The following CAST variants were observed in gnomAD, a reference collection of about 807,000 sequenced individuals.
CAST encodes calpastatin, also known as MIR583 host.
In CAST, 76 loss-of-function variants were observed where a neutral mutation model predicts 119.6. The observed-to-expected ratio is 0.64, with a 90% CI of 0.53 to 0.77. The LOEUF (loss-of-function observed/expected upper bound fraction) is 0.77. Ranked by LOEUF, CAST falls within the 30% of genes least tolerant of loss-of-function variation. CAST has a pLI of 0.00. For synonymous variants in CAST, 319 were observed against 331.6 expected (o/e 0.96, Z 0.41); for missense variants, 953 against 946.5 (o/e 1.01, Z -0.09).
the CAST span, among the ~76,000 whole-genome samples, chr5:96,052,750 A>G: frequency 6.6e-6 from 1 of 152,226 alleles, no homozygotes; most frequent in East Asian, 1.9e-4. Flanking sequence ...GTAGTTGTAC[A>G]TGCCTAAATA....
chr5:96,743,527 C>T (rs567465404), intron 16 of CAST: 9 of 1,478,154 alleles, frequency 6.1e-6, no homozygotes, highest in Middle Eastern at 2.5e-4. Context: ...TGTCACAATG[C>T]CCCATCTCTG....
the CAST span, among the ~76,000 whole-genome samples, chr5:96,191,590 A>AAGATGGAGTATCAAATAATAGCTG: frequency 6.6e-6 from 1 of 152,236 alleles, no homozygotes; most frequent in Non-Finnish European, 1.5e-5. Flanking sequence ...GGATATAATA[A>AAGATGGAGTATCAAATAATAGCTG]AGATGGAGTA....
chr5:96,182,516 A>G, the CAST span, among the ~76,000 whole-genome samples: 150 of 152,356 alleles, frequency 9.8e-4, 2 homozygotes, highest in East Asian at 0.014. Context: ...ACTTTGGGGA[A>G]AGATGAATTG....
chr5:96,464,675 G>A, the CAST span, among the ~76,000 whole-genome samples: 4 of 152,078 alleles, frequency 2.6e-5, no homozygotes, highest in African/African-American at 9.6e-5. Context: ...TTTTCAAATG[G>A]CACTTTTATT....
At chr5:96,117,891 G>A in the CAST span, among the ~76,000 whole-genome samples, 539 of 152,240 alleles carry the variant, frequency 3.5e-3, 2 homozygotes, top group African/African-American at 4.6e-3. Context: ...CCTTTTGCCC[G>A]TTACCACTTC....
At chr5:96,741,717 C>G (rs1339878911) in intron 15 of CAST, 137 bp downstream of exon 15, 34 of 623,544 alleles carry the variant, frequency 5.5e-5, no homozygotes, top group Non-Finnish European at 9.0e-5. Context: ...ATAGTGAAGC[C>G]AATGAGGGTT....
At chr5:96,341,234 A>C in the CAST span, among the ~76,000 whole-genome samples, 1 of 152,232 alleles carries the variant, frequency 6.6e-6, no homozygotes, top group East Asian at 1.9e-4. Context: ...AGAAAGTATC[A>C]CTTACCATAC....
At chr5:96,290,195 A>G in the CAST span, among the ~76,000 whole-genome samples, 3 of 152,172 alleles carry the variant, frequency 2.0e-5, no homozygotes, top group Admixed American at 6.5e-5. Flanking sequence ...AGCTTCACCC[A>G]TCTTTCCACG....
chr5:96,164,044 A>C, the CAST span, among the ~76,000 whole-genome samples: 477 of 152,330 alleles, frequency 3.1e-3, 1 homozygote, highest in Non-Finnish European at 3.8e-3. Context: ...TGAAAAAAAA[A>C]CACTGAGACT....
At chr5:96,376,258 A>G in the CAST span, among the ~76,000 whole-genome samples, 101 of 152,120 alleles carry the variant, frequency 6.6e-4, no homozygotes, top group African/African-American at 2.4e-3. Context: ...CTAATATAGC[A>G]TAATGCATTG....
the CAST span, among the ~76,000 whole-genome samples, chr5:96,482,218 C>G: frequency 2.0e-5 from 3 of 152,038 alleles, no homozygotes; most frequent in African/African-American, 4.8e-5. Context: ...CAAACACAAT[C>G]CTGCTCATAC....
At chr5:96,606,108 A>G (rs1747248048) in intron 1 of CAST, among the ~76,000 whole-genome samples, 1 of 152,110 alleles carries the variant, frequency 6.6e-6, no homozygotes, top group South Asian at 2.1e-4. Flanking sequence ...TCACACAGGT[A>G]CCCACAAAGT....
intron 1 of CAST, among the ~76,000 whole-genome samples, chr5:96,664,038 A>G (rs1748968952): frequency 6.6e-6 from 1 of 152,160 alleles, no homozygotes; most frequent in South Asian, 2.1e-4. Context: ...AAAATTAGGT[A>G]TGTCTTTTTC....
chr5:96,181,779 A>G, the CAST span, among the ~76,000 whole-genome samples: 2 of 152,378 alleles, frequency 1.3e-5, no homozygotes, highest in African/African-American at 4.8e-5. Flanking sequence ...ACTGAAAAAA[A>G]TGGCCAAACT....
intron 2 of CAST, among the ~76,000 whole-genome samples, chr5:96,690,443 T>G (rs533835316): frequency 6.6e-6 from 1 of 152,288 alleles, no homozygotes; most frequent in South Asian, 2.1e-4. Flanking sequence ...TTGGCCAGGC[T>G]GGTCTCGAAC....
intron 31 of CAST, chr5:96,772,434 GA>G (rs3214853): frequency 0.82 from 125,519 of 152,338 alleles, 51,986 homozygotes; most frequent in Admixed American, 0.88. Context: ...TATTTCCTAG[GA>G]AAAAAGGAGC....
the CAST span, among the ~76,000 whole-genome samples, chr5:96,166,211 G>A: frequency 6.6e-6 from 1 of 152,156 alleles, no homozygotes; most frequent in African/African-American, 2.4e-5. Flanking sequence ...CACAGTAAAT[G>A]TAGTAAAATA....
At chr5:96,284,580 G>A in the CAST span, among the ~76,000 whole-genome samples, 11 of 152,296 alleles carry the variant, frequency 7.2e-5, no homozygotes, top group East Asian at 1.9e-3. Context: ...GCTTTGGAGC[G>A]TGATCGATCT....
At chr5:96,153,187 C>G in the CAST span, among the ~76,000 whole-genome samples, 3 of 152,132 alleles carry the variant, frequency 2.0e-5, no homozygotes, top group Admixed American at 6.5e-5. Context: ...AGAGCATAAG[C>G]ATTTGTGTCA....
Sources: allele counts gnomAD v4.1 joint callset (sites outside exome capture counted in the v4.1 genomes callset), GRCh38; gene constraint gnomAD v4.1.1; transcripts MANE v1.5; gene names NCBI Gene and HGNC (gene_info 2026-07-23, HGNC 2026-07-21).